NPTX1: variants seen among roughly 807,000 people sequenced by gnomAD.
NPTX1 encodes neuronal pentraxin 1.
NPTX1 carries 12 observed loss-of-function variants against 38.7 expected under a neutral mutation model. The ratio of observed to expected loss-of-function variants is 0.31; its 90% CI spans 0.20 to 0.50. NPTX1 has a LOEUF of 0.50. NPTX1 is among the 20% of genes least tolerant of loss of function. The pLI is 0.98. For synonymous variants in NPTX1, 272 were observed against 264.9 expected (o/e 1.03, Z -0.26); for missense variants, 454 against 592.2 (o/e 0.77, Z 2.42).
Position 80,475,476 on chromosome 17 carries a change from C to G in NPTX1, c.652+35G>C. 1 of 1,462,128 alleles carries G rather than the reference C, an allele frequency of 6.8e-7. No individual in the cohort carries two copies. The highest frequency in any genetic ancestry group is 9.4e-7 in the Non-Finnish European group (1 of 1,068,470). 90.6% of individuals were successfully genotyped at this position (1,462,128 alleles called of 1,614,324 possible). ...CGAGGCAGGGTCGGGCAAGCAGGTGCAGGCAGGCAGCACGGCTCCCCCTGG... is the reference window on the plus strand; with the variant it reads ...CGAGGCAGGGTCGGGCAAGCAGGTGGAGGCAGGCAGCACGGCTCCCCCTGG... On this transcript the variant is annotated intron_variant, in intron 2 of 4. Coordinates refer to ENST00000306773, the MANE Select transcript of NPTX1 (RefSeq NM_002522.4). This position sits in a 1 kb window ranked among gnomAD's most constrained non-coding sequence, Gnocchi z 6.5.
rs909281402 is a variant in NPTX1 at position 80,468,285 on chromosome 17, G to T, written c.*2528C>A. 5.9e-5 allele frequency: 9 copies of T among 153,196 alleles called. No individual in the cohort carries two copies. Among genetic ancestry groups the T allele is most frequent in the Non-Finnish European group, 1.3e-4 (9 of 68,518 alleles). The allele number at this position is 153,196 out of a possible 1,614,324, so 9.5% of individuals were successfully genotyped here. On this transcript the variant is annotated 3_prime_UTR_variant, in exon 5 of 5. Coordinates refer to ENST00000306773, the MANE Select transcript of NPTX1 (RefSeq NM_002522.4). ...GCACCATGGGTGGGTCAGAGGAGGG[G>T]TGAGGAAGGTGAGCGGGCCAGGAGG...
rs369745520 is a variant in NPTX1, at chr17:80,473,483, A to G, written c.653-39T>C. On this transcript the variant is annotated intron_variant, in intron 2 of 4. Transcript: ENST00000306773. ...AGTCCTGACATCTGCACCTGCGTGA[A>G]GTGCTTATCGGTGTCTGAGTTGAGT... is the stretch of plus-strand genomic sequence containing the variant. The G allele has an allele frequency of 8.1e-6, 13 of 1,607,318 alleles. No homozygotes were observed. In the African/African-American group the frequency reaches 1.5e-4, roughly 18 times the overall value.
At chr17:80,471,415 C>T (rs916987275) in intron 4 of NPTX1, among the ~76,000 whole-genome samples, 2 of 152,222 alleles carry the variant, frequency 1.3e-5, no homozygotes. Context: ...TCCATCCCTT[C>T]GTCTTCCTCC....
rs999527496 is a variant in NPTX1, at chr17:80,469,000, G to A, written c.*1813C>T. 2.6e-5 allele frequency: 4 copies of A among 152,278 alleles called. No homozygotes were observed. Among genetic ancestry groups the A allele is most frequent in the African/African-American group, 4.8e-5 (2 of 41,450 alleles). The allele number at this position is 152,278 out of a possible 1,614,324, so 9.4% of individuals were successfully genotyped here. ...GCGCCTGATCTGCACCCCCCTCTGC[G>A]GGAGTGATGCATTGCAGAACGGCGG... On this transcript the variant is annotated 3_prime_UTR_variant, in exon 5 of 5. Transcript: ENST00000306773.
At chr17:80,472,583 A>T (rs536391862) in intron 3 of NPTX1, among the ~76,000 whole-genome samples, 1 of 152,212 alleles carries the variant, frequency 6.6e-6, no homozygotes, top group Non-Finnish European at 1.5e-5. Context: ...AACAGGAACA[A>T]GGGCGTGGAA....
At chr17:80,472,007 C>A (rs1014439221) in intron 3 of NPTX1, 96 bp from the exon 4 acceptor site, 34 of 1,114,572 alleles carry the variant, frequency 3.1e-5, no homozygotes, top group Non-Finnish European at 4.0e-5. Context: ...TCTCTACTTG[C>A]AAAGTAAATG....
rs1035093411 is a variant in NPTX1, at chr17:80,468,822, CAT to C, written c.*1989_*1990del. ...GGCAGTCCATGCAGGTGCGGGAACA[CAT>C]GTCGGACCCAGGGAGCAAGGAACAC... On this transcript the variant is annotated 3_prime_UTR_variant, in exon 5 of 5. Coordinates refer to ENST00000306773, the MANE Select transcript of NPTX1 (RefSeq NM_002522.4). 2 of 152,424 alleles carry C rather than the reference CAT, an allele frequency of 1.3e-5. No homozygotes were observed. Among genetic ancestry groups the C allele is most frequent in the Admixed American group, 1.3e-4 (2 of 15,300 alleles). The allele number at this position is 152,424 out of a possible 1,614,324, so 9.4% of individuals were successfully genotyped here.
At position 80,476,473 on chromosome 17, in the gene NPTX1, C is replaced by CCGGCT. The variant is rs1300136955; in HGVS notation, c.-32_-28dup. On this transcript the variant is annotated 5_prime_UTR_variant, in exon 1 of 5. Coordinates refer to ENST00000306773, the MANE Select transcript of NPTX1 (RefSeq NM_002522.4). This position sits in a 1 kb window ranked among gnomAD's most constrained non-coding sequence, Gnocchi z 6.3. ...GCTGCGGGCACCGGGCGCTCCGGGC[C>CCGGCT]CGGCTCGGCTCGGCTGGGGCTCGGC... 11 of 1,183,538 alleles carry CCGGCT rather than the reference C, an allele frequency of 9.3e-6. No individual in the cohort carries two copies. The highest frequency in any genetic ancestry group is 1.1e-5 in the Non-Finnish European group (11 of 958,886). 73.3% of individuals were successfully genotyped at this position (1,183,538 alleles called of 1,614,324 possible). A position where few individuals can be genotyped will look rare whatever the true frequency, so the allele number is the denominator to read the frequency against.
chr17:80,474,456 C>G (rs1442044735), intron 2 of NPTX1: 2 of 152,612 alleles, frequency 1.3e-5, no homozygotes, highest in Non-Finnish European at 2.9e-5. Context: ...TTCCCCAGGC[C>G]AAAAATTATT....
At chr17:80,474,057 G>C (rs990777923) in intron 2 of NPTX1, 2 of 155,364 alleles carry the variant, frequency 1.3e-5, no homozygotes, top group African/African-American at 4.8e-5. Context: ...CTTGGAGCAG[G>C]GACTCTGCCT....
Position 80,475,911 on chromosome 17 carries a change from G to T in NPTX1, c.444+92C>A. The T allele has an allele frequency of 8.9e-7, 1 of 1,128,424 alleles. No homozygotes were observed. Among genetic ancestry groups the T allele is most frequent in the East Asian group, 2.9e-5 (1 of 34,152 alleles). The allele number at this position is 1,128,424 out of a possible 1,614,324, so 69.9% of individuals were successfully genotyped here. ...GCACCCGCGCGGCTGAGGCGAGGGC[G>T]GGGGATGCCTGGCCGGGTAGGGAAC... On this transcript the variant is annotated intron_variant, in intron 1 of 4. Coordinates refer to ENST00000306773, the MANE Select transcript of NPTX1 (RefSeq NM_002522.4). This position sits in a 1 kb window ranked among gnomAD's most constrained non-coding sequence, Gnocchi z 6.5.
chr17:80,475,505 C>G lies in NPTX1; in HGVS notation c.652+6G>C, dbSNP rs764092358. The G allele has an allele frequency of 1.9e-6, 3 of 1,609,622 alleles. No homozygotes were observed. The highest frequency in any genetic ancestry group is 3.7e-4 in the Middle Eastern group (2 of 5,478). ...CAGGCAGCACGGCTCCCCCTGGCCC[C>G]AGTACCTTTCTCGAGCTCGCTGATC... On this transcript the variant is annotated splice_donor_region_variant and intron_variant, in intron 2 of 4. Coordinates refer to ENST00000306773, the MANE Select transcript of NPTX1 (RefSeq NM_002522.4). This position sits in a 1 kb window ranked among gnomAD's most constrained non-coding sequence, Gnocchi z 6.5.
chr17:80,475,755 G>A lies in NPTX1; in HGVS notation c.445-37C>T. The stretch of plus-strand genomic sequence containing the variant: ...AAGGGCGGGGGAAACCACACCGTTA[G>A]GCGAGGCGCGGGGACCGTGCTGGAA... On this transcript the variant is annotated intron_variant, in intron 1 of 4. Transcript: ENST00000306773. This position sits in a 1 kb window ranked among gnomAD's most constrained non-coding sequence, Gnocchi z 6.5. 1 of 1,500,982 alleles carries A rather than the reference G, an allele frequency of 6.7e-7. No individual in the cohort carries two copies. The highest frequency in any genetic ancestry group is 9.2e-7 in the Non-Finnish European group (1 of 1,090,374). 93.0% of individuals were successfully genotyped at this position (1,500,982 alleles called of 1,614,324 possible).
intron 3 of NPTX1, 131 bp from the exon 4 acceptor site, chr17:80,472,042 C>T (rs540560325): frequency 5.7e-6 from 5 of 872,406 alleles, no homozygotes; most frequent in East Asian, 5.6e-5. Flanking sequence ...TGAATTCTCA[C>T]AGCACCTACT....
chr17:80,475,933 G>T lies in NPTX1; in HGVS notation c.444+70C>A. 7.6e-7 allele frequency: 1 copy of T among 1,313,088 alleles called. No homozygotes were observed. The highest frequency in any genetic ancestry group is 1.1e-6 in the Non-Finnish European group (1 of 942,860). The allele number at this position is 1,313,088 out of a possible 1,614,324, so 81.3% of individuals were successfully genotyped here. On this transcript the variant is annotated intron_variant, in intron 1 of 4. Transcript: ENST00000306773. The surrounding 1 kb of genome is among the most constrained non-coding windows in gnomAD (Gnocchi z 6.5). ...GGCGGGGGATGCCTGGCCGGGTAGG[G>T]AACGGGGTGGGGGAGGGCAGAGGGG... is the stretch of plus-strand genomic sequence containing the variant.
intron 3 of NPTX1, 114 bp from the exon 4 acceptor site, chr17:80,472,025 CTA>C (rs1415069063): frequency 1.0e-6 from 1 of 1,003,060 alleles, no homozygotes; most frequent in Non-Finnish European, 1.4e-6. Flanking sequence ...ATGTCAATAA[CTA>C]TTACTGAATT....
chr17:80,472,949 C>T (rs1249948105), intron 3 of NPTX1, among the ~76,000 whole-genome samples: 3 of 152,194 alleles, frequency 2.0e-5, no homozygotes, highest in South Asian at 4.1e-4. Context: ...GCTCGTTCTC[C>T]GCCATCTCCC....
Position 80,470,023 on chromosome 17 carries a change from T to C in NPTX1, c.*790A>G, listed in dbSNP as rs1262038716. 6.6e-6 allele frequency: 1 copy of C among 152,278 alleles called. No homozygotes were observed. The highest frequency in any genetic ancestry group is 2.4e-5 in the African/African-American group (1 of 41,440). The allele number at this position is 152,278 out of a possible 1,614,324, so 9.4% of individuals were successfully genotyped here. A position where few individuals can be genotyped will look rare whatever the true frequency, so the allele number is the denominator to read the frequency against. On this transcript the variant is annotated 3_prime_UTR_variant, in exon 5 of 5. Coordinates refer to ENST00000306773, the MANE Select transcript of NPTX1 (RefSeq NM_002522.4). ...CGTCCTGGGGCAGAGCTAGCTGAGC[T>C]GGGCACACAGGCCGACCTCCCAGGC...
At chr17:80,472,255 A>C (rs1473690897) in intron 3 of NPTX1, among the ~76,000 whole-genome samples, 1 of 152,082 alleles carries the variant, frequency 6.6e-6, no homozygotes, top group African/African-American at 2.4e-5. Context: ...GTCTGAGTTC[A>C]CTGCTGCCTC....
Sources: gnomAD v4.1 joint callset for allele counts (sites outside exome capture counted in the v4.1 genomes callset) on GRCh38, gnomAD v4.1.1 for gene constraint, Gnocchi (gnomAD v3.1) non-coding constraint, MANE v1.5 for transcripts, NCBI Gene and HGNC (gene_info 2026-07-23, HGNC 2026-07-21) for gene names.